RGS7: variants seen among roughly 807,000 people sequenced by gnomAD.
RGS7 encodes regulator of G protein signaling 7.
Under a neutral mutation model 81.1 loss-of-function variants are expected in RGS7, and 27 were observed. That is an observed-to-expected ratio of 0.33 (90% CI 0.25 to 0.46). The LOEUF (loss-of-function observed/expected upper bound fraction) is 0.46. Among genes scored for constraint, RGS7 ranks in the 20% least tolerant of loss-of-function variants. RGS7 has a pLI of 1.00. For missense variants in RGS7, 396 were observed against 607.4 expected (o/e 0.65, Z 3.66); for synonymous variants, 208 against 207.7 (o/e 1.00, Z -0.01).
chr1:241,319,415 C>T (rs1447913598), intron 2 of RGS7, among the ~76,000 whole-genome samples: 1 of 152,046 alleles, frequency 6.6e-6, no homozygotes. Context: ...GAAAATGCAA[C>T]AAAATATTAA....
At chr1:241,063,315 C>T (rs974744543) in intron 3 of RGS7, among the ~76,000 whole-genome samples, 6 of 152,108 alleles carry the variant, frequency 3.9e-5, no homozygotes, top group Non-Finnish European at 5.9e-5. Context: ...ATTACTGGGT[C>T]GATGGTGAAT....
intron 9 of RGS7, among the ~76,000 whole-genome samples, chr1:240,865,819 A>G (rs533069222): frequency 3.9e-5 from 6 of 152,298 alleles, no homozygotes; most frequent in Admixed American, 6.5e-5. Flanking sequence ...AGTTCTTGTC[A>G]TTGCTTAGCT....
chr1:241,350,775 A>G (rs1322831132), intron 2 of RGS7, among the ~76,000 whole-genome samples: 1 of 141,164 alleles, frequency 7.1e-6, no homozygotes, highest in East Asian at 2.1e-4. Context: ...AAAGCCAAAG[A>G]TTATTTTTCA....
chr1:240,928,233 C>T (rs1674800392), intron 6 of RGS7, among the ~76,000 whole-genome samples: 1 of 152,120 alleles, frequency 6.6e-6, no homozygotes, highest in Non-Finnish European at 1.5e-5. Flanking sequence ...TTGTGGCCAC[C>T]CAAGACCACG....
In RGS7 at chr1:241,163,666, T is replaced by G. The variant is rs1431995854; in HGVS notation, c.79-64904A>C. On this transcript the variant is annotated intron_variant, in intron 2 of 18. Transcript: ENST00000440928. This position sits in a 1 kb window ranked among gnomAD's most constrained non-coding sequence, Gnocchi z 4.6. ...TCTCCCTCCCATAATCACAACCTGT[T>G]TTGCCACAATCCAAGCCCCCATTCT... Among the ~76,000 whole-genome samples, 1 of 152,132 alleles carries G rather than the reference T, an allele frequency of 6.6e-6. No homozygotes were observed. The highest frequency in any genetic ancestry group is 1.5e-5 in the Non-Finnish European group (1 of 68,028).
At chr1:241,224,940 C>A (rs1377478494) in intron 2 of RGS7, among the ~76,000 whole-genome samples, 1 of 152,090 alleles carries the variant, frequency 6.6e-6, no homozygotes, top group Non-Finnish European at 1.5e-5. Flanking sequence ...TGTGGTCCTG[C>A]ACTCACAGCA....
intron 2 of RGS7, among the ~76,000 whole-genome samples, chr1:241,280,567 A>G (rs896844513): frequency 2.0e-5 from 3 of 152,220 alleles, no homozygotes; most frequent in Admixed American, 6.5e-5. Flanking sequence ...GTGCAATCAC[A>G]GCTCACTGCA....
chr1:241,307,387 T>G (rs569682577), intron 2 of RGS7, among the ~76,000 whole-genome samples: 1 of 152,360 alleles, frequency 6.6e-6, no homozygotes, highest in South Asian at 2.1e-4. Context: ...GCATATTATA[T>G]TTTTTAAAAT....
intron 10 of RGS7, among the ~76,000 whole-genome samples, chr1:240,824,042 A>C (rs1236001022): frequency 6.6e-6 from 1 of 152,204 alleles, no homozygotes; most frequent in Non-Finnish European, 1.5e-5. Flanking sequence ...ATTGTAGTAA[A>C]GTATATTCTA....
intron 2 of RGS7, among the ~76,000 whole-genome samples, chr1:241,333,519 G>A (rs937597206): frequency 6.6e-6 from 1 of 152,178 alleles, no homozygotes; most frequent in African/African-American, 2.4e-5. Context: ...GGCTAAGTCT[G>A]TAACTGATAT....
At chr1:240,940,955 A>G (rs977643522) in intron 4 of RGS7, among the ~76,000 whole-genome samples, 2 of 152,212 alleles carry the variant, frequency 1.3e-5, no homozygotes, top group African/African-American at 4.8e-5. Context: ...AATGCTTGCA[A>G]ATGAGTATGA....
chr1:241,044,199 G>A (rs1263305523), intron 3 of RGS7, among the ~76,000 whole-genome samples: 2 of 146,342 alleles, frequency 1.4e-5, no homozygotes, highest in Non-Finnish European at 3.0e-5. Flanking sequence ...CTGCAACCCC[G>A]CCTCCTGGGT....
At chr1:241,085,600 A>AT (rs11287724) in intron 3 of RGS7, among the ~76,000 whole-genome samples, 3 of 151,330 alleles carry the variant, frequency 2.0e-5, no homozygotes, top group Non-Finnish European at 4.4e-5. Flanking sequence ...AATTTTTTAT[A>AT]TTTTTTTTAG....
At chr1:241,233,830 T>C (rs1398515887) in intron 2 of RGS7, among the ~76,000 whole-genome samples, 1 of 150,458 alleles carries the variant, frequency 6.6e-6, no homozygotes, top group African/African-American at 2.4e-5. Context: ...GGAAACTCCA[T>C]ACTGTTTTCC....
At chr1:240,949,724 T>C (rs1329716196) in intron 4 of RGS7, among the ~76,000 whole-genome samples, 1 of 151,504 alleles carries the variant, frequency 6.6e-6, no homozygotes, top group Non-Finnish European at 1.5e-5. Flanking sequence ...GGTGCATGCC[T>C]GTAGTACCAG....
chr1:241,320,470 C>T (rs1341468), intron 2 of RGS7, among the ~76,000 whole-genome samples: 67,960 of 152,072 alleles, frequency 0.45, 15,815 homozygotes, highest in African/African-American at 0.58. Flanking sequence ...CTTTGACACT[C>T]CCATAACTTA....
chr1:241,101,763 C>A (rs1037916941), intron 2 of RGS7, among the ~76,000 whole-genome samples: 1 of 152,148 alleles, frequency 6.6e-6, no homozygotes, highest in Non-Finnish European at 1.5e-5. Flanking sequence ...AGCCTCTAAA[C>A]CCTTGTATTA....
intron 4 of RGS7, among the ~76,000 whole-genome samples, chr1:240,949,847 CAAAA>C (rs57421740): frequency 1.1e-5 from 1 of 91,962 alleles, no homozygotes; most frequent in Non-Finnish European, 2.0e-5. Flanking sequence ...GACTCTGACT[CAAAA>C]AAAAAAAAAA....
chr1:241,255,679 G>A (rs1427712566), intron 2 of RGS7, among the ~76,000 whole-genome samples: 1 of 152,130 alleles, frequency 6.6e-6, no homozygotes, highest in Non-Finnish European at 1.5e-5. Flanking sequence ...AGATAAATGT[G>A]GAGAGAATTC....
Sources: gnomAD v4.1 joint callset for allele counts (sites outside exome capture counted in the v4.1 genomes callset) on GRCh38, gnomAD v4.1.1 for gene constraint, Gnocchi (gnomAD v3.1) non-coding constraint, MANE v1.5 for transcripts, NCBI Gene and HGNC (gene_info 2026-07-23, HGNC 2026-07-21) for gene names.